Variants in GNA11 observed in about 807,000 individuals in gnomAD.
GNA11 encodes the protein guanine nucleotide-binding protein subunit alpha-11.
In GNA11, 8 loss-of-function variants were observed where a neutral mutation model predicts 38.2. The observed-to-expected ratio is 0.21, with a 90% CI of 0.12 to 0.38. GNA11 has a LOEUF of 0.38. Among genes scored for constraint, GNA11 ranks in the 10% least tolerant of loss-of-function variants. The probability of loss-of-function intolerance (pLI) is 1.00; values close to 1 mark genes in which losing one functional copy is unlikely to be tolerated. For missense variants in GNA11, 268 were observed against 516.3 expected (o/e 0.52, Z 4.66); for synonymous variants, 211 against 221.4 (o/e 0.95, Z 0.42).
rs527538723 is a variant in GNA11 at position 3,111,146 on chromosome 19, C to G, written c.321+813C>G. On this transcript the variant is annotated intron_variant, in intron 2 of 6. Transcript: ENST00000078429. Reference sequence around the variant, plus strand: ...TTGATAAAGTAGAGGTCATTTGATGCCCTGTTTTTAAATCACAGCTTTATT... The same window carrying G: ...TTGATAAAGTAGAGGTCATTTGATGGCCTGTTTTTAAATCACAGCTTTATT... 1.7e-4 allele frequency among the ~76,000 whole-genome samples: 25 copies of G among 148,222 alleles called. No homozygotes were observed. In the South Asian group the frequency reaches 5.1e-3, roughly 30 times the overall value.
intron 1 of GNA11, among the ~76,000 whole-genome samples, chr19:3,095,935 T>C (rs915169004): frequency 5.3e-5 from 8 of 152,160 alleles, no homozygotes; most frequent in African/African-American, 1.9e-4. Flanking sequence ...TCACTCCAAA[T>C]AAGGGCCCCT....
rs1259894142 is a variant in GNA11 at position 3,119,298 on chromosome 19, G to A, written c.828G>A (p.Lys276=). The A allele has an allele frequency of 3.1e-6, 5 of 1,613,912 alleles. No individual in the cohort carries two copies. Among genetic ancestry groups the A allele is most frequent in the Non-Finnish European group, 4.2e-6 (5 of 1,179,898 alleles). Residue 276 remains lysine, a synonymous_variant, in exon 6 of 7, where the codon AAG becomes AAA. Coordinates refer to ENST00000078429, the MANE Select transcript of GNA11 (RefSeq NM_002067.5). The surrounding 1 kb of genome is among the most constrained non-coding windows in gnomAD (Gnocchi z 4.6). ...CCGTCATCCTCTTCCTCAACAAGAA[G>A]GACCTGCTGGAGGACAAGATCCTGT... The part of the protein sequence containing the change: ...NSSVILFLNK[K]DLLEDKILYS...
chr19:3,095,237 C>T (rs77469588), intron 1 of GNA11, among the ~76,000 whole-genome samples: 8,394 of 152,238 alleles, frequency 0.055, 511 homozygotes, highest in Admixed American at 0.19. Context: ...CCCGATCACT[C>T]CTAGGTCAGC....
chr19:3,095,612 C>T (rs564955985), intron 1 of GNA11, among the ~76,000 whole-genome samples: 1 of 152,222 alleles, frequency 6.6e-6, no homozygotes, highest in South Asian at 2.1e-4. Flanking sequence ...CCGGGAAACC[C>T]CGTACTCCTC....
chr19:3,104,377 G>C lies in GNA11; in HGVS notation c.137-5772G>C, dbSNP rs187526414. Among the ~76,000 whole-genome samples the C allele has an allele frequency of 3.9e-5, 6 of 152,344 alleles. No homozygotes were observed. The East Asian group carries it at 9.7e-4, about 25-fold the overall frequency. On this transcript the variant is annotated intron_variant, in intron 1 of 6. Coordinates refer to ENST00000078429, the MANE Select transcript of GNA11 (RefSeq NM_002067.5). The stretch of plus-strand genomic sequence containing the variant: ...GCCCCTCCTAGTGGTGGCGTGCTGA[G>C]TGTACCTGAGGATGTACCTCCTGCA...
intron 1 of GNA11, among the ~76,000 whole-genome samples, chr19:3,102,894 G>A (rs957009462): frequency 1.3e-5 from 2 of 152,172 alleles, no homozygotes; most frequent in African/African-American, 2.4e-5. Flanking sequence ...GCATGCACAC[G>A]CGTGGGCTGC....
chr19:3,095,762 C>G (rs1003287767), intron 1 of GNA11, among the ~76,000 whole-genome samples: 2 of 152,038 alleles, frequency 1.3e-5, no homozygotes, highest in Non-Finnish European at 2.9e-5. Context: ...TCCCCCGCCC[C>G]CTTCCTTAGA....
rs1914064410 is a variant in GNA11, at chr19:3,121,240, T to C, written c.*61T>C. On this transcript the variant is annotated 3_prime_UTR_variant, in exon 7 of 7. Coordinates refer to ENST00000078429, the MANE Select transcript of GNA11 (RefSeq NM_002067.5). ...GGCAGGACCTTCCTTCCACGGAGCC[T>C]GCGGCTGCCGGGCGGGTGGCGCTGC... 7.2e-7 allele frequency: 1 copy of C among 1,382,376 alleles called. No homozygotes were observed. Among genetic ancestry groups the C allele is most frequent in the Non-Finnish European group, 1.0e-6 (1 of 997,932 alleles). The allele number at this position is 1,382,376 out of a possible 1,614,324, so 85.6% of individuals were successfully genotyped here.
At chr19:3,117,224 G>A (rs1468853751) in intron 4 of GNA11, 1 of 152,266 alleles carries the variant, frequency 6.6e-6, no homozygotes, top group Non-Finnish European at 1.5e-5. Context: ...AGGCCAGGTT[G>A]TGGCATGAAT....
intron 1 of GNA11, among the ~76,000 whole-genome samples, chr19:3,109,679 G>T (rs1913723005): frequency 6.6e-6 from 1 of 152,186 alleles, no homozygotes; most frequent in African/African-American, 2.4e-5. Context: ...CCCAGCCCTT[G>T]GGGTGGTCTG....
rs1383209479 is a variant in GNA11, at chr19:3,115,128, G to A, written c.605+56G>A. 2.1e-5 allele frequency: 33 copies of A among 1,582,030 alleles called. 1 individual carries two copies. In the South Asian group the frequency reaches 3.5e-4, roughly 17 times the overall value. ...GGGCACTGAGAGGCTCATTTGCCCGGTGTGCCGGCTCATGCCTGCGCACCC... is the reference window on the plus strand; with the variant it reads ...GGGCACTGAGAGGCTCATTTGCCCGATGTGCCGGCTCATGCCTGCGCACCC... On this transcript the variant is annotated intron_variant, in intron 4 of 6. Coordinates refer to ENST00000078429, the MANE Select transcript of GNA11 (RefSeq NM_002067.5).
In GNA11 at chr19:3,122,965, C is replaced by T; in HGVS notation, c.*1786C>T. Reference sequence around the variant, plus strand: ...GGATACCCCCCCCCCGGCTTCCCCACACCACTTCTGTCTCACCCGGAAGCG... The same window carrying T: ...GGATACCCCCCCCCCGGCTTCCCCATACCACTTCTGTCTCACCCGGAAGCG... On this transcript the variant is annotated 3_prime_UTR_variant, in exon 7 of 7. Transcript: ENST00000078429. The surrounding 1 kb of genome is among the most constrained non-coding windows in gnomAD (Gnocchi z 7.7). 1 of 233,470 alleles carries T rather than the reference C, an allele frequency of 4.3e-6. No homozygotes were observed. The highest frequency in any genetic ancestry group is 6.0e-5 in the East Asian group (1 of 16,572). The allele number at this position is 233,470 out of a possible 1,614,324, so 14.5% of individuals were successfully genotyped here. A position where few individuals can be genotyped will look rare whatever the true frequency, so the allele number is the denominator to read the frequency against.
intron 1 of GNA11, among the ~76,000 whole-genome samples, chr19:3,096,444 A>T (rs375425642): frequency 2.6e-5 from 4 of 152,086 alleles, no homozygotes; most frequent in East Asian, 3.9e-4. Context: ...TGTCATAAAG[A>T]TCTTACCAGA....
At chr19:3,100,252 C>T (rs546877803) in intron 1 of GNA11, among the ~76,000 whole-genome samples, 1 of 152,292 alleles carries the variant, frequency 6.6e-6, no homozygotes, top group South Asian at 2.1e-4. Context: ...TACTGAGCAG[C>T]GTCCCTGGCC....
At chr19:3,113,659 G>C (rs549468117) in intron 3 of GNA11, among the ~76,000 whole-genome samples, 175 bp downstream of exon 3, 19 of 152,312 alleles carry the variant, frequency 1.2e-4, no homozygotes, top group African/African-American at 4.6e-4. Flanking sequence ...GATCCCTGGA[G>C]GGGCCACGCC....
In GNA11 at chr19:3,110,609, G is replaced by C. The variant is rs59496932; in HGVS notation, c.321+276G>C. Among the ~76,000 whole-genome samples the C allele has an allele frequency of 0.051, 7,767 of 152,158 alleles. 441 individuals carry two copies. The highest frequency in any genetic ancestry group is 0.14 in the African/African-American group (5,998 of 41,498). Reference sequence around the variant, plus strand: ...CCCACATCCTGTGGGTGGGGAAGCTGAGGCCCTGGGGAAGCTGAGGCCCTG... The same window carrying C: ...CCCACATCCTGTGGGTGGGGAAGCTCAGGCCCTGGGGAAGCTGAGGCCCTG... On this transcript the variant is annotated intron_variant, in intron 2 of 6. Transcript: ENST00000078429. This position sits in a 1 kb window ranked among gnomAD's most constrained non-coding sequence, Gnocchi z 5.4.
In GNA11 at chr19:3,121,068, C is replaced by T. The variant is rs778881101; in HGVS notation, c.969C>T (p.Ile323=). The change falls in exon 7 of 7, where the codon ATC becomes ATT. Residue 323 remains isoleucine (I), a synonymous_variant. Coordinates refer to ENST00000078429, the MANE Select transcript of GNA11 (RefSeq NM_002067.5). ...ACCTGAACCCCGACAGCGACAAGATCATCTACTCACACTTCACGTGTGCCA... is the reference window on the plus strand; with the variant it reads ...ACCTGAACCCCGACAGCGACAAGATTATCTACTCACACTTCACGTGTGCCA... ...FVDLNPDSDK[I]IYSHFTCATD... is the part of the protein sequence containing the mutation. The T allele has an allele frequency of 1.5e-5, 24 of 1,613,548 alleles. No individual in the cohort carries two copies. The highest frequency in any genetic ancestry group is 1.9e-5 in the Non-Finnish European group (23 of 1,179,702).
At chr19:3,100,396 G>A (rs1913473015) in intron 1 of GNA11, among the ~76,000 whole-genome samples, 1 of 152,212 alleles carries the variant, frequency 6.6e-6, no homozygotes, top group South Asian at 2.1e-4. Flanking sequence ...CGTCGCCATC[G>A]TCAGCTGCGT....
intron 1 of GNA11, among the ~76,000 whole-genome samples, chr19:3,095,934 A>G (rs1351774809): frequency 6.6e-6 from 1 of 152,010 alleles, no homozygotes; most frequent in Admixed American, 6.5e-5. Context: ...GTCACTCCAA[A>G]TAAGGGCCCC....
Sources: allele counts gnomAD v4.1 joint callset (sites outside exome capture counted in the v4.1 genomes callset), GRCh38; gene constraint gnomAD v4.1.1; non-coding constraint Gnocchi (gnomAD v3.1); transcripts MANE v1.5; gene names NCBI Gene and HGNC (gene_info 2026-07-23, HGNC 2026-07-21).